Variants in GRIP1 observed in about 807,000 individuals in gnomAD.
GRIP1 encodes glutamate receptor-interacting protein 1.
GRIP1 carries 45 observed loss-of-function variants against 129.9 expected under a neutral mutation model. The ratio of observed to expected loss-of-function variants is 0.35; its 90% CI spans 0.27 to 0.44. The LOEUF (loss-of-function observed/expected upper bound fraction) is 0.44, where lower values mean the gene tolerates loss of function less well. Ranked by LOEUF, GRIP1 falls within the 20% of genes least tolerant of loss-of-function variation. The pLI is 1.00. For synonymous variants in GRIP1, 530 were observed against 520.8 expected (o/e 1.02, Z -0.24); for missense variants, 1,196 against 1,396.8 (o/e 0.86, Z 2.29).
chr12:66,479,306 C>T (rs2059728792), intron 7 of GRIP1, among the ~76,000 whole-genome samples: 2 of 152,212 alleles, frequency 1.3e-5, no homozygotes, highest in South Asian at 4.1e-4. Context: ...TACAAATAAA[C>T]TAGAAAATCT....
chr12:67,022,895 G>A (rs1332905578), intron 1 of GRIP1, among the ~76,000 whole-genome samples: 2 of 151,960 alleles, frequency 1.3e-5, no homozygotes, highest in Admixed American at 6.6e-5. Flanking sequence ...AGTGTCTGTT[G>A]TTCCCATGTT....
At chr12:66,726,165 A>T (rs889633116) in intron 1 of GRIP1, among the ~76,000 whole-genome samples, 3 of 152,066 alleles carry the variant, frequency 2.0e-5, no homozygotes, top group Non-Finnish European at 2.9e-5. Context: ...AACATTTTCC[A>T]TGAGAAAAAT....
chr12:66,485,308 A>G (rs1237899421), intron 7 of GRIP1, among the ~76,000 whole-genome samples: 1 of 152,060 alleles, frequency 6.6e-6, no homozygotes, highest in Non-Finnish European at 1.5e-5. Flanking sequence ...TCATACAGTT[A>G]TTGGCCATTT....
chr12:66,669,591 A>C (rs1359482433), intron 1 of GRIP1, among the ~76,000 whole-genome samples: 2 of 152,308 alleles, frequency 1.3e-5, no homozygotes, highest in South Asian at 2.1e-4. Context: ...AAGCATAATG[A>C]AAGCCATCTA....
intron 1 of GRIP1, among the ~76,000 whole-genome samples, chr12:66,992,695 T>C (rs1182106237): frequency 6.6e-6 from 1 of 152,180 alleles, no homozygotes; most frequent in Admixed American, 6.5e-5. Context: ...TTTTAAAGAA[T>C]TGAAATTATA....
chr12:66,788,815 G>A (rs1282413110), intron 1 of GRIP1, among the ~76,000 whole-genome samples: 1 of 152,060 alleles, frequency 6.6e-6, no homozygotes, highest in Non-Finnish European at 1.5e-5. Flanking sequence ...CCTATACTTT[G>A]GTCACAGCCT....
chr12:66,909,309 T>A (rs1423819845), intron 1 of GRIP1, among the ~76,000 whole-genome samples: 2 of 152,176 alleles, frequency 1.3e-5, no homozygotes, highest in Non-Finnish European at 2.9e-5. Flanking sequence ...CTATGAATAA[T>A]GAGAGAAGGT....
At chr12:66,948,233 C>T (rs2041701713) in intron 1 of GRIP1, among the ~76,000 whole-genome samples, 1 of 152,210 alleles carries the variant, frequency 6.6e-6, no homozygotes, top group South Asian at 2.1e-4. Flanking sequence ...ATATATCCTT[C>T]TGGAGGAGCA....
At chr12:66,682,362 TC>T (rs1592738937), upstream of GRIP1, among the ~76,000 whole-genome samples, 2 of 152,140 alleles carry the variant, frequency 1.3e-5, no homozygotes, top group Non-Finnish European at 1.5e-5. Context: ...AGGAATCCCT[TC>T]TCACTGCATG....
At chr12:66,889,739 T>C (rs965576443) in intron 1 of GRIP1, among the ~76,000 whole-genome samples, 1 of 152,228 alleles carries the variant, frequency 6.6e-6, no homozygotes, top group Non-Finnish European at 1.5e-5. Context: ...AACACAAATG[T>C]CATCATGTGT....
intron 14 of GRIP1, among the ~76,000 whole-genome samples, chr12:66,421,174 C>T (rs1188824479): frequency 1.3e-5 from 2 of 152,180 alleles, no homozygotes; most frequent in South Asian, 2.1e-4. Context: ...AGTGAGGAGA[C>T]ACCACTGTTG....
chr12:66,983,753 T>A (rs2042271228), intron 1 of GRIP1, among the ~76,000 whole-genome samples: 1 of 152,194 alleles, frequency 6.6e-6, no homozygotes, highest in South Asian at 2.1e-4. Flanking sequence ...TCAGCCAGTA[T>A]CATCTGTGTA....
At chr12:66,963,006 T>C (rs79014755) in intron 1 of GRIP1, among the ~76,000 whole-genome samples, 3,978 of 152,264 alleles carry the variant, frequency 0.026, 173 homozygotes, top group African/African-American at 0.09. Flanking sequence ...AAGTTTATAA[T>C]CAAACTTAAT....
At chr12:66,631,611 TTCTC>T (rs1299074385) in intron 1 of GRIP1, among the ~76,000 whole-genome samples, 1 of 143,738 alleles carries the variant, frequency 7.0e-6, no homozygotes, top group Non-Finnish European at 1.6e-5. Flanking sequence ...ATTTCTCTCT[TTCTC>T]TCTCTCTCTT....
At chr12:66,619,575 TAAAAG>T in intron 1 of GRIP1, among the ~76,000 whole-genome samples, 1 of 151,620 alleles carries the variant, frequency 6.6e-6, no homozygotes, top group Middle Eastern at 3.4e-3. Context: ...GTGCCAGAAG[TAAAAG>T]AAAAAAGGGC....
At chr12:66,859,770 G>T (rs1393206106) in intron 1 of GRIP1, among the ~76,000 whole-genome samples, 2 of 152,018 alleles carry the variant, frequency 1.3e-5, no homozygotes, top group Admixed American at 1.3e-4. Flanking sequence ...GGGTGCTGCA[G>T]GGCTGTGTTA....
intron 1 of GRIP1, among the ~76,000 whole-genome samples, chr12:67,003,751 C>T (rs1028491726): frequency 7.1e-6 from 1 of 141,364 alleles, no homozygotes; most frequent in Non-Finnish European, 1.6e-5. Context: ...AAAATTCCTA[C>T]CATTTTCCCT....
chr12:66,355,221 T>C, intron 23 of GRIP1, among the ~76,000 whole-genome samples: 1 of 150,892 alleles, frequency 6.6e-6, no homozygotes, highest in African/African-American at 2.4e-5. Context: ...TGTGTGTGCA[T>C]GTGTGTGTGT....
At chr12:66,828,320 G>C (rs539656787) in intron 1 of GRIP1, among the ~76,000 whole-genome samples, 8 of 152,276 alleles carry the variant, frequency 5.3e-5, no homozygotes, top group African/African-American at 1.9e-4. Context: ...CTAATGAATA[G>C]GCATGATACT....
Sources: allele counts gnomAD v4.1 joint callset (sites outside exome capture counted in the v4.1 genomes callset), GRCh38; gene constraint gnomAD v4.1.1; transcripts MANE v1.5; gene names NCBI Gene and HGNC (gene_info 2026-07-23, HGNC 2026-07-21).